YAF2: variants seen among roughly 807,000 people sequenced by gnomAD.
YAF2 encodes the protein YY1-associated factor 2.
Under a neutral mutation model 20.1 loss-of-function variants are expected in YAF2, and 7 were observed. That is an observed-to-expected ratio of 0.35 (90% CI 0.20 to 0.65). The LOEUF (loss-of-function observed/expected upper bound fraction) is 0.65, where lower values mean the gene tolerates loss of function less well. YAF2 is among the 30% of genes least tolerant of loss of function. The pLI, the probability that YAF2 is intolerant of heterozygous loss-of-function variation, is 0.69. For synonymous variants in YAF2, 74 were observed against 76.0 expected (o/e 0.97, Z 0.14); for missense variants, 151 against 219.2 (o/e 0.69, Z 1.96).
intron 2 of YAF2, among the ~76,000 whole-genome samples, chr12:42,221,569 AT>A (rs1021099423): frequency 2.0e-5 from 3 of 152,028 alleles, no homozygotes; most frequent in South Asian, 2.1e-4. Flanking sequence ...TTTAAAAAAA[AT>A]TTTTTTTAAG....
At chr12:42,188,383 CT>C (rs765727694) in intron 2 of YAF2, among the ~76,000 whole-genome samples, 1,424 of 118,818 alleles carry the variant, frequency 0.012, 14 homozygotes, top group South Asian at 0.035. Flanking sequence ...ATATATTTTG[CT>C]TTTTTTTTTT....
chr12:42,223,331 TACAC>T (rs71434396), intron 2 of YAF2, among the ~76,000 whole-genome samples: 8,416 of 148,188 alleles, frequency 0.057, 370 homozygotes, highest in East Asian at 0.15. Flanking sequence ...TTAAAATACA[TACAC>T]ACACACACAC....
At chr12:42,179,898 T>G (rs1176281334) in intron 2 of YAF2, among the ~76,000 whole-genome samples, 1 of 151,996 alleles carries the variant, frequency 6.6e-6, no homozygotes, top group Non-Finnish European at 1.5e-5. Flanking sequence ...GATAGACTGA[T>G]AGTATACTCA....
At chr12:42,172,981 A>G (rs1210247256) in intron 2 of YAF2, among the ~76,000 whole-genome samples, 1 of 152,154 alleles carries the variant, frequency 6.6e-6, no homozygotes, top group Non-Finnish European at 1.5e-5. Flanking sequence ...GTGGTTGCTC[A>G]GGGTTAGGAC....
intron 2 of YAF2, among the ~76,000 whole-genome samples, chr12:42,179,457 G>A (rs2066283765): frequency 1.3e-5 from 2 of 152,262 alleles, no homozygotes; most frequent in South Asian, 2.1e-4. Context: ...GCAACAAAGC[G>A]AGATTCCACC....
intron 2 of YAF2, among the ~76,000 whole-genome samples, chr12:42,219,270 G>A (rs536314629): frequency 1.1e-4 from 16 of 152,182 alleles, no homozygotes; most frequent in Admixed American, 3.9e-4. Context: ...GCCAGGTCTC[G>A]TCTACCCCAA....
intron 2 of YAF2, among the ~76,000 whole-genome samples, chr12:42,196,941 T>C (rs947008446): frequency 6.6e-6 from 1 of 152,144 alleles, no homozygotes; most frequent in African/African-American, 2.4e-5. Context: ...TAAACAGGAA[T>C]GGAGAGTTAC....
In YAF2 at chr12:42,228,531, G is replaced by A. The variant is rs868122067; in HGVS notation, c.152+9068C>T. On this transcript the variant is annotated intron_variant, in intron 2 of 3. Coordinates refer to ENST00000534854, the MANE Select transcript of YAF2 (RefSeq NM_005748.6). ...AGCCGCCCCGTCCGGGAGGTGAGGG[G>A]TGCCTCTGCCCGGCCGCCCCTACTG... Among the ~76,000 whole-genome samples the A allele has an allele frequency of 1.6e-3, 85 of 53,494 alleles. 1 individual carries two copies. Among genetic ancestry groups the A allele is most frequent in the East Asian group, 0.013 (15 of 1,146 alleles). The allele number at this position is 53,494 out of a possible 152,430, so 35.1% of individuals were successfully genotyped here.
rs2068246355 is a variant in YAF2, at chr12:42,238,172, G to A, written c.9C>T (p.Asp3=). 1.9e-6 allele frequency: 3 copies of A among 1,542,844 alleles called. No individual in the cohort carries two copies. The highest frequency in any genetic ancestry group is 2.0e-4 in the Middle Eastern group (1 of 5,124). The change falls in exon 1 of 4, where the codon GAC becomes GAT. Residue 3 remains aspartate (D), a synonymous_variant. Coordinates refer to ENST00000534854, the MANE Select transcript of YAF2 (RefSeq NM_005748.6). The part of the protein sequence containing the change: MG[D]KKSPTRPKRQ... ...GCTGTTACCTGGTGGGGCTCTTCTTGTCTCCCATGGCTTGGCTATCACCGC... is the reference window on the plus strand; with the variant it reads ...GCTGTTACCTGGTGGGGCTCTTCTTATCTCCCATGGCTTGGCTATCACCGC...
chr12:42,161,203 G>A (rs1009472457), intron 3 of YAF2: 14 of 276,904 alleles, frequency 5.1e-5, no homozygotes, highest in African/African-American at 3.2e-4. Flanking sequence ...AAGGAAGACT[G>A]TTACTCCACT....
intron 2 of YAF2, among the ~76,000 whole-genome samples, chr12:42,193,350 C>T (rs1447492344): frequency 6.6e-6 from 1 of 151,642 alleles, no homozygotes; most frequent in Non-Finnish European, 1.5e-5. Flanking sequence ...CATGCAATTA[C>T]GTATAGTCCA....
chr12:42,165,598 G>A (rs1330961231), intron 2 of YAF2, among the ~76,000 whole-genome samples: 2 of 151,550 alleles, frequency 1.3e-5, no homozygotes, highest in African/African-American at 4.9e-5. Context: ...CAAGCAGCTG[G>A]GACTACAAGT....
At chr12:42,182,712 T>C (rs1339969652) in intron 2 of YAF2, among the ~76,000 whole-genome samples, 4 of 152,236 alleles carry the variant, frequency 2.6e-5, no homozygotes, top group Admixed American at 6.5e-5. Flanking sequence ...AAAGAAAACA[T>C]TATTGAATAT....
chr12:42,207,846 G>C (rs12321515), intron 2 of YAF2, among the ~76,000 whole-genome samples: 1,580 of 151,944 alleles, frequency 0.01, 16 homozygotes, highest in Non-Finnish European at 0.016. Flanking sequence ...AGCCGAGATC[G>C]TGCCACTGCA....
chr12:42,231,402 T>G (rs2067980846), intron 2 of YAF2: 1 of 152,166 alleles, frequency 6.6e-6, no homozygotes. Context: ...CCAAAAATAT[T>G]AAGAAAATCT....
At chr12:42,237,855 C>T (rs2068230131) in intron 1 of YAF2, 131 bp from the exon 2 acceptor site, 5 of 816,470 alleles carry the variant, frequency 6.1e-6, no homozygotes, top group Admixed American at 6.2e-5. Context: ...GGGCCCTCGG[C>T]GCGCCGCGCT....
intron 2 of YAF2, among the ~76,000 whole-genome samples, chr12:42,237,097 AAC>A (rs2068187504): frequency 6.6e-6 from 1 of 152,244 alleles, no homozygotes; most frequent in Admixed American, 6.5e-5. Flanking sequence ...CTGGAATAAA[AAC>A]ACTAAATAAA....
intron 2 of YAF2, among the ~76,000 whole-genome samples, chr12:42,226,733 T>C (rs967080211): frequency 6.6e-6 from 1 of 152,244 alleles, no homozygotes; most frequent in African/African-American, 2.4e-5. Context: ...AGTCTGATAA[T>C]ATTTTTACAA....
chr12:42,184,329 A>C (rs2066418321), intron 2 of YAF2, among the ~76,000 whole-genome samples: 1 of 152,080 alleles, frequency 6.6e-6, no homozygotes, highest in African/African-American at 2.4e-5. Flanking sequence ...ACTGTTTTTG[A>C]GACAGAGTCT....
Sources: gnomAD v4.1 joint callset for allele counts (sites outside exome capture counted in the v4.1 genomes callset) on GRCh38, gnomAD v4.1.1 for gene constraint, MANE v1.5 for transcripts, NCBI Gene and HGNC (gene_info 2026-07-23, HGNC 2026-07-21) for gene names.